MAP3K2: variants seen among roughly 807,000 people sequenced by gnomAD.
MAP3K2 encodes mitogen-activated protein kinase kinase kinase 2, also known as MAP/ERK kinase kinase 2.
Under a neutral mutation model 80.3 loss-of-function variants are expected in MAP3K2, and 24 were observed. The observed-to-expected ratio is 0.30, with a 90% CI of 0.22 to 0.42. The LOEUF (loss-of-function observed/expected upper bound fraction) is 0.42, where lower values mean the gene tolerates loss of function less well. Among genes scored for constraint, MAP3K2 ranks in the 10% least tolerant of loss-of-function variants. MAP3K2 has a pLI of 1.00. For synonymous variants in MAP3K2, 244 were observed against 253.7 expected (o/e 0.96, Z 0.36); for missense variants, 608 against 750.1 (o/e 0.81, Z 2.21).
Position 127,387,423 on chromosome 2 carries a change from A to ACACACACACACACACGCGC in MAP3K2, c.-66+28_-66+29insGCGCGTGTGTGTGTGTGTG, listed in dbSNP as rs1553520024. On this transcript the variant is annotated intron_variant, in intron 1 of 16. Transcript: ENST00000682094. ...GCACACACACACACACACACACACA[A>ACACACACACACACACGCGC]GCGCGCGCGCACGCACACACGCACG... The ACACACACACACACACGCGC allele has an allele frequency of 9.0e-6, 4 of 442,064 alleles. No homozygotes were observed. In the African/African-American group the frequency reaches 2.5e-4, roughly 28 times the overall value. 27.4% of individuals were successfully genotyped at this position (442,064 alleles called of 1,614,324 possible).
rs879433082 is a variant in MAP3K2 at position 127,387,939 on chromosome 2, C to T, written c.-553G>A. The T allele has an allele frequency of 2.7e-4, 261 of 984,724 alleles. No individual in the cohort carries two copies. Among genetic ancestry groups the T allele is most frequent in the Non-Finnish European group, 3.0e-4 (253 of 829,714 alleles). 61.0% of individuals were successfully genotyped at this position (984,724 alleles called of 1,614,324 possible). On this transcript the variant is annotated 5_prime_UTR_variant, in exon 1 of 17. Coordinates refer to ENST00000682094, the MANE Select transcript of MAP3K2 (RefSeq NM_001371910.2). The stretch of plus-strand genomic sequence containing the variant: ...CCTCGTCAGGCGCCGCCGCTGAGGG[C>T]AGGCAGCCCGGCAGCCACTACACAC...
chr2:127,306,781 AAG>A lies in MAP3K2; in HGVS notation c.*796_*797del, dbSNP rs1331053989. 1 of 152,370 alleles carries A rather than the reference AAG, an allele frequency of 6.6e-6. No homozygotes were observed. Among genetic ancestry groups the A allele is most frequent in the Admixed American group, 6.6e-5 (1 of 15,264 alleles). The allele number at this position is 152,370 out of a possible 1,614,324, so 9.4% of individuals were successfully genotyped here. A position where few individuals can be genotyped will look rare whatever the true frequency, so the allele number is the denominator to read the frequency against. On this transcript the variant is annotated 3_prime_UTR_variant, in exon 17 of 17. Coordinates refer to ENST00000682094, the MANE Select transcript of MAP3K2 (RefSeq NM_001371910.2). The surrounding 1 kb of genome is among the most constrained non-coding windows in gnomAD (Gnocchi z 4.7). ...CTCTTCTACTGCTCACACATTTGAT[AAG>A]AGTGATGTCCTTTTGTCTTTTATTT...
intron 1 of MAP3K2, among the ~76,000 whole-genome samples, chr2:127,374,421 C>G (rs1356225549): frequency 1.3e-5 from 2 of 152,174 alleles, no homozygotes; most frequent in African/African-American, 4.8e-5. Flanking sequence ...CACTGCCTGA[C>G]CAAGCCACCC....
intron 14 of MAP3K2, among the ~76,000 whole-genome samples, chr2:127,315,356 T>C (rs745724856): frequency 2.1e-4 from 32 of 152,152 alleles, no homozygotes; most frequent in Non-Finnish European, 3.4e-4. Context: ...GAGGGACAAA[T>C]CTCTTTTTTG....
chr2:127,367,572 T>C (rs990961465), intron 1 of MAP3K2, among the ~76,000 whole-genome samples: 2 of 151,708 alleles, frequency 1.3e-5, no homozygotes, highest in African/African-American at 4.8e-5. Flanking sequence ...GCAGGCATAT[T>C]ACCTGAGGTC....
intron 9 of MAP3K2, 93 bp from the exon 10 acceptor site, chr2:127,324,334 CTCTG>C (rs1405179584): frequency 2.8e-6 from 2 of 710,384 alleles, no homozygotes; most frequent in Non-Finnish European, 4.6e-6. Flanking sequence ...ATCTGTGCCT[CTCTG>C]TATGTGTTTG....
At chr2:127,308,373 C>T (rs990561899) in intron 16 of MAP3K2, among the ~76,000 whole-genome samples, 1 of 152,184 alleles carries the variant, frequency 6.6e-6, no homozygotes, top group Non-Finnish European at 1.5e-5. Context: ...CAAAATCCTT[C>T]CTAAAGAATG....
intron 1 of MAP3K2, among the ~76,000 whole-genome samples, chr2:127,383,874 A>AT (rs111243354): frequency 0.5 from 69,998 of 140,886 alleles, 18,066 homozygotes; most frequent in East Asian, 0.73. Context: ...GCAACAAATA[A>AT]TTTTTTTTTT....
intron 1 of MAP3K2, among the ~76,000 whole-genome samples, chr2:127,370,881 A>G: frequency 6.6e-6 from 1 of 152,164 alleles, no homozygotes; most frequent in East Asian, 1.9e-4. Flanking sequence ...GGGCCAAAAT[A>G]ACAAAGAGGA....
At chr2:127,325,362 T>G (rs1417248819) in intron 9 of MAP3K2, among the ~76,000 whole-genome samples, 1 of 152,162 alleles carries the variant, frequency 6.6e-6, no homozygotes, top group Admixed American at 6.5e-5. Flanking sequence ...TGTATGAATA[T>G]TTACTCATAT....
chr2:127,309,759 G>A (rs879775366), intron 15 of MAP3K2, among the ~76,000 whole-genome samples: 1 of 152,086 alleles, frequency 6.6e-6, no homozygotes, highest in Admixed American at 6.5e-5. Flanking sequence ...AACGGGGGTT[G>A]TAAGTTTTTT....
chr2:127,385,905 A>T (rs553808847), intron 1 of MAP3K2, among the ~76,000 whole-genome samples: 1 of 152,244 alleles, frequency 6.6e-6, no homozygotes, highest in Admixed American at 6.5e-5. Context: ...CCAATTATTT[A>T]AGATAAGCCT....
intron 1 of MAP3K2, among the ~76,000 whole-genome samples, chr2:127,359,320 G>A (rs1288140908): frequency 1.3e-5 from 2 of 152,172 alleles, no homozygotes; most frequent in Middle Eastern, 3.4e-3. Flanking sequence ...GAATATATAT[G>A]GGAACTCCCT....
chr2:127,313,296 T>G (rs1685842556), intron 15 of MAP3K2, among the ~76,000 whole-genome samples: 1 of 152,188 alleles, frequency 6.6e-6, no homozygotes, highest in African/African-American at 2.4e-5. Flanking sequence ...GAATGGACAT[T>G]ATTCCTAACT....
chr2:127,331,548 A>G (rs914121890), intron 5 of MAP3K2, among the ~76,000 whole-genome samples: 1 of 152,220 alleles, frequency 6.6e-6, no homozygotes, highest in Admixed American at 6.5e-5. Context: ...TCTGAACCCA[A>G]ACCCACTAGC....
Position 127,322,249 on chromosome 2 carries a change from C to G in MAP3K2, c.842G>C (p.Arg281Pro). The G allele has an allele frequency of 6.2e-7, 1 of 1,607,630 alleles. No homozygotes were observed. Among genetic ancestry groups the G allele is most frequent in the Non-Finnish European group, 8.5e-7 (1 of 1,174,700 alleles). ...SYHHQEYNDG[R>P]KTFPRARRTQ... ...CCTTCTAGCTCTTGGAAAAGTTTTA[C>G]GACCTAAAAAATGAAAAGAGAATGA... The change falls in exon 12 of 17, where the codon CGT becomes CCT. Residue 281 changes from arginine (R) to proline (P), a missense_variant. By Grantham distance (103) the Arg-to-Pro change is moderately radical. This residue lies in a region of MAP3K2 where 467 missense variants were observed against 521.9 expected (regional missense o/e 0.89). Transcript: ENST00000682094. The surrounding 1 kb of genome is among the most constrained non-coding windows in gnomAD (Gnocchi z 4.2).
At position 127,305,459 on chromosome 2, in the gene MAP3K2, T is replaced by TA. The variant is rs1358838830; in HGVS notation, c.*2119dup. ...CAATTAATTTTGTGCTTTGACTTCT[T>TA]AGACTAGCTAGTGGAATTTCAAATA... On this transcript the variant is annotated 3_prime_UTR_variant, in exon 17 of 17. Coordinates refer to ENST00000682094, the MANE Select transcript of MAP3K2 (RefSeq NM_001371910.2). The TA allele has an allele frequency of 6.6e-6, 1 of 152,174 alleles. No individual in the cohort carries two copies. Among genetic ancestry groups the TA allele is most frequent in the Non-Finnish European group, 1.5e-5 (1 of 68,002 alleles). 9.4% of individuals were successfully genotyped at this position (152,174 alleles called of 1,614,324 possible).
intron 1 of MAP3K2, among the ~76,000 whole-genome samples, chr2:127,353,031 C>A (rs1007890708): frequency 6.6e-6 from 1 of 152,088 alleles, no homozygotes; most frequent in Non-Finnish European, 1.5e-5. Flanking sequence ...AGTGCAGTGG[C>A]GTGATCTCGG....
rs1462580170 is a variant in MAP3K2, at chr2:127,305,857, G to A, written c.*1722C>T. ...ATTTAACAATGTCCTTGCTCTTATT[G>A]GATACATTGTACTAGAAATACGTGG... On this transcript the variant is annotated 3_prime_UTR_variant, in exon 17 of 17. Transcript: ENST00000682094. 6.6e-6 allele frequency: 1 copy of A among 151,528 alleles called. No individual in the cohort carries two copies. The highest frequency in any genetic ancestry group is 1.9e-4 in the East Asian group (1 of 5,176). The allele number at this position is 151,528 out of a possible 1,614,324, so 9.4% of individuals were successfully genotyped here. A position where few individuals can be genotyped will look rare whatever the true frequency, so the allele number is the denominator to read the frequency against.
Sources: allele counts gnomAD v4.1 joint callset (sites outside exome capture counted in the v4.1 genomes callset), GRCh38; gene constraint gnomAD v4.1.1; regional missense constraint gnomAD v4.1.1; non-coding constraint Gnocchi (gnomAD v3.1); transcripts MANE v1.5; gene names NCBI Gene and HGNC (gene_info 2026-07-23, HGNC 2026-07-21).